Variants in TMEM65 observed in about 807,000 individuals in gnomAD.
The protein encoded by TMEM65 is transmembrane protein 65.
In TMEM65, 22 loss-of-function variants were observed where a neutral mutation model predicts 25.4. The observed-to-expected ratio is 0.86, with a 90% CI of 0.62 to 1.23. The LOEUF is 1.23. Among genes scored for constraint, TMEM65 ranks in the 50% most tolerant of loss-of-function variants. TMEM65 has a pLI of 0.00. For synonymous variants in TMEM65, 132 were observed against 126.2 expected (o/e 1.05, Z -0.31); for missense variants, 262 against 308.2 (o/e 0.85, Z 1.12).
chr8:124,310,591 AAGGTG>A lies in TMEM65; in HGVS notation c.*3364_*3368del, dbSNP rs1814144486. The stretch of plus-strand genomic sequence containing the variant: ...ATAGCCCCAACTTAATGTTGTCATT[AAGGTG>A]ATTAAATGCAATAATGTGTGTAAAT... On this transcript the variant is annotated 3_prime_UTR_variant, in exon 7 of 7. Transcript: ENST00000297632. 2 of 152,202 alleles carry A rather than the reference AAGGTG, an allele frequency of 1.3e-5. No individual in the cohort carries two copies. The highest frequency in any genetic ancestry group is 2.9e-5 in the Non-Finnish European group (2 of 68,028). 9.4% of individuals were successfully genotyped at this position (152,202 alleles called of 1,614,324 possible). A position where few individuals can be genotyped will look rare whatever the true frequency, so the allele number is the denominator to read the frequency against.
chr8:124,371,793 G>A, intron 1 of TMEM65, 61 bp downstream of exon 1: 1 of 1,454,316 alleles, frequency 6.9e-7, no homozygotes, highest in Non-Finnish European at 9.1e-7. Context: ...GCTCCCGGTG[G>A]GCTGGCGAGA....
chr8:124,330,714 A>C, intron 2 of TMEM65, 34 bp downstream of exon 2: 1 of 1,584,070 alleles, frequency 6.3e-7, no homozygotes, highest in South Asian at 1.1e-5. Flanking sequence ...CAAAAGACAG[A>C]TGAACATATA....
chr8:124,330,121 C>T (rs566635991), intron 2 of TMEM65, among the ~76,000 whole-genome samples: 16 of 151,912 alleles, frequency 1.1e-4, no homozygotes, highest in East Asian at 3.9e-4. Flanking sequence ...TAGCAAATCA[C>T]GTTTCATATT....
intron 1 of TMEM65, among the ~76,000 whole-genome samples, chr8:124,334,793 TA>T (rs1042825361): frequency 6.5e-5 from 9 of 138,560 alleles, no homozygotes; most frequent in African/African-American, 2.4e-4. Context: ...GAAAGAAAAT[TA>T]AAAATTAAAA....
At chr8:124,324,395 G>A (rs1814343036) in intron 3 of TMEM65, among the ~76,000 whole-genome samples, 1 of 152,096 alleles carries the variant, frequency 6.6e-6, no homozygotes, top group East Asian at 1.9e-4. Context: ...ATGCACTGAA[G>A]TTCAAAAGTC....
chr8:124,345,003 T>C (rs28538795), intron 1 of TMEM65, among the ~76,000 whole-genome samples: 11,921 of 152,230 alleles, frequency 0.078, 508 homozygotes, highest in African/African-American at 0.12. Flanking sequence ...TCTCTCAAAA[T>C]TGAGAGACTG....
rs1194468082 is a variant in TMEM65 at position 124,358,755 on chromosome 8, C to T, written c.304+13099G>A. Among the ~76,000 whole-genome samples, 3 of 152,182 alleles carry T rather than the reference C, an allele frequency of 2.0e-5. 1 individual carries two copies. The East Asian group carries it at 5.8e-4, about 29-fold the overall frequency. On this transcript the variant is annotated intron_variant, in intron 1 of 6. Transcript: ENST00000297632. Reference sequence around the variant, plus strand: ...AAATTTGTCTCAAGTTTTCCCTTAACAGATGGTGTCAGAAGTGCGATCCAA... The same window carrying T: ...AAATTTGTCTCAAGTTTTCCCTTAATAGATGGTGTCAGAAGTGCGATCCAA...
chr8:124,308,309 G>A lies in TMEM65; in HGVS notation c.*5651C>T, dbSNP rs1303710958. On this transcript the variant is annotated 3_prime_UTR_variant, in exon 7 of 7. Transcript: ENST00000297632. ...GTCTCTAATTTAGTTTCTAGATCAG[G>A]GAGTCATAAGGACCTATAGGCTCAT... 6.6e-6 allele frequency: 1 copy of A among 152,028 alleles called. No individual in the cohort carries two copies. The highest frequency in any genetic ancestry group is 1.5e-5 in the Non-Finnish European group (1 of 68,036). 9.4% of individuals were successfully genotyped at this position (152,028 alleles called of 1,614,324 possible). A position where few individuals can be genotyped will look rare whatever the true frequency, so the allele number is the denominator to read the frequency against.
chr8:124,369,999 GA>G (rs1814991426), intron 1 of TMEM65, among the ~76,000 whole-genome samples: 1 of 151,998 alleles, frequency 6.6e-6, no homozygotes. Flanking sequence ...CCTGAGCAAA[GA>G]AGACAATTTA....
intron 1 of TMEM65, among the ~76,000 whole-genome samples, chr8:124,333,700 G>C (rs1466642036): frequency 6.6e-6 from 1 of 152,088 alleles, no homozygotes; most frequent in Non-Finnish European, 1.5e-5. Context: ...CTACCTGAAA[G>C]CACTGGAAAA....
chr8:124,350,003 C>T (rs1465820802), intron 1 of TMEM65, among the ~76,000 whole-genome samples: 1 of 152,028 alleles, frequency 6.6e-6, no homozygotes, highest in East Asian at 1.9e-4. Context: ...CTTCAAAATA[C>T]ATTTGCATTA....
intron 1 of TMEM65, among the ~76,000 whole-genome samples, chr8:124,348,755 T>A (rs779980219): frequency 1.9e-4 from 29 of 152,202 alleles, no homozygotes; most frequent in Admixed American, 5.2e-4. Context: ...ACCTTCTTTT[T>A]CAATCATGCC....
At chr8:124,323,085 A>G in intron 4 of TMEM65, among the ~76,000 whole-genome samples, 1 of 152,140 alleles carries the variant, frequency 6.6e-6, no homozygotes, top group East Asian at 1.9e-4. Flanking sequence ...ATCTTGTCTT[A>G]ACGAAATCAA....
intron 6 of TMEM65, among the ~76,000 whole-genome samples, chr8:124,315,391 G>A (rs1469863166): frequency 2.0e-5 from 3 of 150,680 alleles, no homozygotes; most frequent in Non-Finnish European, 2.9e-5. Context: ...ATGTAATCTC[G>A]ACTCACTGCA....
Position 124,330,763 on chromosome 8 carries a change from C to T in TMEM65, c.334G>A (p.Gly112Arg). 1.3e-6 allele frequency: 2 copies of T among 1,586,654 alleles called. No individual in the cohort carries two copies. The highest frequency in any genetic ancestry group is 1.7e-6 in the Non-Finnish European group (2 of 1,169,668). The change falls in exon 2 of 7, where the codon GGA becomes AGA. Residue 112 changes from glycine to arginine, a missense_variant. Coordinates refer to ENST00000297632, the MANE Select transcript of TMEM65 (RefSeq NM_194291.3). ...EKLEAPPPTP[G>R]QLRYVFIHNA... ...GAACCATTACCATATCTCAGCTGTCCTGGGGTGGGTGGTGGAGCTTCCAAT... is the reference window on the plus strand; with the variant it reads ...GAACCATTACCATATCTCAGCTGTCTTGGGGTGGGTGGTGGAGCTTCCAAT...
intron 1 of TMEM65, among the ~76,000 whole-genome samples, chr8:124,358,605 T>C (rs750776402): frequency 1.3e-5 from 2 of 152,188 alleles, no homozygotes; most frequent in African/African-American, 2.4e-5. Context: ...TTTCCATAAG[T>C]CACTTTCCTT....
At chr8:124,320,423 T>C (rs990765642) in intron 5 of TMEM65, among the ~76,000 whole-genome samples, 1 of 152,218 alleles carries the variant, frequency 6.6e-6, no homozygotes, top group African/African-American at 2.4e-5. Flanking sequence ...TTTTATTGCA[T>C]ATATTGTTTA....
intron 6 of TMEM65, among the ~76,000 whole-genome samples, chr8:124,316,700 A>T (rs1039710587): frequency 2.0e-5 from 3 of 152,178 alleles, no homozygotes; most frequent in African/African-American, 7.2e-5. Context: ...GAAAGAAAAC[A>T]ATTATTATGC....
At chr8:124,355,423 T>C (rs1323245138) in intron 1 of TMEM65, among the ~76,000 whole-genome samples, 1 of 152,184 alleles carries the variant, frequency 6.6e-6, no homozygotes, top group Non-Finnish European at 1.5e-5. Flanking sequence ...CTCTTTCCTA[T>C]CTTAAAAACA....
Sources: gnomAD v4.1 joint callset for allele counts (sites outside exome capture counted in the v4.1 genomes callset) on GRCh38, gnomAD v4.1.1 for gene constraint, MANE v1.5 for transcripts, NCBI Gene and HGNC (gene_info 2026-07-23, HGNC 2026-07-21) for gene names.